TRAPPC12: variants seen among roughly 807,000 people sequenced by gnomAD.
TRAPPC12 encodes trafficking protein particle complex subunit 12.
In TRAPPC12, 61 loss-of-function variants were observed where a neutral mutation model predicts 69.2. The observed-to-expected ratio is 0.88, with a 90% CI of 0.72 to 1.09. The LOEUF is 1.09. Among genes scored for constraint, TRAPPC12 ranks in the 50% least tolerant of loss-of-function variants. TRAPPC12 has a pLI of 0.00. For synonymous variants in TRAPPC12, 469 were observed against 438.9 expected (o/e 1.07, Z -0.86); for missense variants, 1,101 against 1,016.4 (o/e 1.08, Z -1.13).
intron 8 of TRAPPC12, 54 bp from the exon 9 acceptor site, chr2:3,465,543 A>G (rs1193109170): frequency 6.3e-6 from 8 of 1,265,986 alleles, no homozygotes; most frequent in Non-Finnish European, 7.0e-6. Flanking sequence ...TACACGTGTG[A>G]AACCCACAGT....
rs1660575780 is a variant in TRAPPC12, at chr2:3,387,918, G to A, written c.295G>A (p.Asp99Asn). The change falls in exon 2 of 12, where the codon GAC becomes AAC. Residue 99 changes from aspartate to asparagine, a missense_variant. Transcript: ENST00000324266. Reference sequence around the variant, plus strand: ...CGAAGCTGAGCCCGGAGGGGAAGGCGACCCAGGCCCGGAGCCCGCGGGCAC... The same window carrying A: ...CGAAGCTGAGCCCGGAGGGGAAGGCAACCCAGGCCCGGAGCCCGCGGGCAC... ...RDEAEPGGEGDPGPEPAGTPS... is the reference protein window; with the variant it reads ...RDEAEPGGEGNPGPEPAGTPS... 1 of 1,531,058 alleles carries A rather than the reference G, an allele frequency of 6.5e-7. No homozygotes were observed. Among genetic ancestry groups the A allele is most frequent in the East Asian group, 2.5e-5 (1 of 40,018 alleles). 94.8% of individuals were successfully genotyped at this position (1,531,058 alleles called of 1,614,324 possible).
intron 1 of TRAPPC12, among the ~76,000 whole-genome samples, chr2:3,385,857 C>T (rs1660464617): frequency 1.3e-5 from 2 of 152,248 alleles, no homozygotes; most frequent in Non-Finnish European, 2.9e-5. Context: ...TTGTGCCCGG[C>T]CTCTATCCCT....
intron 3 of TRAPPC12, among the ~76,000 whole-genome samples, chr2:3,406,563 C>G (rs997068238): frequency 6.6e-6 from 1 of 152,156 alleles, no homozygotes; most frequent in Non-Finnish European, 1.5e-5. Context: ...TGGAGATACT[C>G]TTTTTTAAAG....
intron 8 of TRAPPC12, among the ~76,000 whole-genome samples, chr2:3,461,666 G>A (rs939999049): frequency 6.6e-6 from 1 of 152,246 alleles, no homozygotes; most frequent in African/African-American, 2.4e-5. Context: ...CCACTCCTGA[G>A]ATAGTCCCAC....
In TRAPPC12 at chr2:3,479,330, G is replaced by A. The variant is rs371580487; in HGVS notation, c.2077G>A (p.Val693Met). Residue 693 changes from valine to methionine, a missense_variant, in exon 12 of 12, where the codon GTG (valine) becomes ATG (methionine). Transcript: ENST00000324266. ...CCCCAGGCACTACCTGCACGAGAGC[G>A]TGCTCTTCAACCTGACCACCATGTA... The part of the protein sequence containing the change: ...QDPRHYLHES[V>M]LFNLTTMYEL... 40 of 1,614,188 alleles carry A rather than the reference G, an allele frequency of 2.5e-5. No individual in the cohort carries two copies. The highest frequency in any genetic ancestry group is 2.3e-4 in the Admixed American group (14 of 60,034).
rs758699998 is a variant in TRAPPC12 at position 3,479,400 on chromosome 2, T to C, written c.2147T>C (p.Leu716Pro). The C allele has an allele frequency of 6.2e-7, 1 of 1,614,158 alleles. No homozygotes were observed. Among genetic ancestry groups the C allele is most frequent in the East Asian group, 2.2e-5 (1 of 44,882 alleles). ...AGCATGCAGAAGAAACAGGCCCTGC[T>C]GGAGGCTGTCGCCGGCAAGGAGGGG... ...SRSMQKKQAL[L>P]EAVAGKEGDS... Residue 716 changes from leucine to proline, a missense_variant, in exon 12 of 12, where the codon CTG becomes CCG. Coordinates refer to ENST00000324266, the MANE Select transcript of TRAPPC12 (RefSeq NM_016030.6).
intron 9 of TRAPPC12, chr2:3,472,701 C>T (rs1666118181): frequency 6.6e-6 from 1 of 152,216 alleles, no homozygotes; most frequent in African/African-American, 2.4e-5. Context: ...ACATTGCTTG[C>T]AAATCCCGTA....
chr2:3,466,871 G>A (rs1056606174), intron 9 of TRAPPC12, among the ~76,000 whole-genome samples: 1 of 152,184 alleles, frequency 6.6e-6, no homozygotes, highest in Non-Finnish European at 1.5e-5. Context: ...AGCTCTGTGT[G>A]GCCAGGATCT....
chr2:3,467,089 G>A (rs773918793), intron 9 of TRAPPC12, among the ~76,000 whole-genome samples: 1 of 152,146 alleles, frequency 6.6e-6, no homozygotes, highest in African/African-American at 2.4e-5. Context: ...TGACCACAGC[G>A]AGGGCTCTGG....
intron 8 of TRAPPC12, among the ~76,000 whole-genome samples, chr2:3,465,190 G>A (rs1345111788): frequency 6.6e-6 from 1 of 152,170 alleles, no homozygotes; most frequent in Non-Finnish European, 1.5e-5. Flanking sequence ...TAAAAATTTG[G>A]CCTATGTATT....
chr2:3,469,346 T>A (rs1665962870), intron 9 of TRAPPC12, among the ~76,000 whole-genome samples: 1 of 152,176 alleles, frequency 6.6e-6, no homozygotes, highest in African/African-American at 2.4e-5. Context: ...AGGGGTAAAT[T>A]TCATAAGAAA....
chr2:3,449,797 G>T (rs1227893707), intron 6 of TRAPPC12, among the ~76,000 whole-genome samples: 1 of 152,172 alleles, frequency 6.6e-6, no homozygotes, highest in Non-Finnish European at 1.5e-5. Context: ...AGAGGGTTTG[G>T]TTGCCCTTCT....
intron 3 of TRAPPC12, among the ~76,000 whole-genome samples, chr2:3,405,589 G>A (rs1661687043): frequency 6.6e-6 from 1 of 152,198 alleles, no homozygotes; most frequent in African/African-American, 2.4e-5. Flanking sequence ...GTTTCTTAGT[G>A]TATTCATTGA....
At chr2:3,397,418 C>G (rs1426186966) in intron 2 of TRAPPC12, among the ~76,000 whole-genome samples, 3 of 152,330 alleles carry the variant, frequency 2.0e-5, no homozygotes, top group Non-Finnish European at 4.4e-5. Context: ...GGACTCTGTC[C>G]ATGGCAGACC....
intron 6 of TRAPPC12, among the ~76,000 whole-genome samples, chr2:3,446,054 A>C (rs1664488022): frequency 6.6e-6 from 1 of 152,200 alleles, no homozygotes; most frequent in Admixed American, 6.5e-5. Flanking sequence ...CATCCTAGGA[A>C]CGTTTCTCTC....
At chr2:3,468,862 G>A (rs912887448) in intron 9 of TRAPPC12, among the ~76,000 whole-genome samples, 2 of 152,180 alleles carry the variant, frequency 1.3e-5, no homozygotes, top group African/African-American at 2.4e-5. Context: ...ATCTCAGCAC[G>A]GGATGGAGGA....
chr2:3,391,365 A>T (rs1024477757), intron 2 of TRAPPC12, among the ~76,000 whole-genome samples: 12 of 152,322 alleles, frequency 7.9e-5, no homozygotes, highest in African/African-American at 2.2e-4. Context: ...TATGACTGTG[A>T]CTATTGCTAT....
In TRAPPC12 at chr2:3,438,235, C is replaced by T. The variant is rs1360318952; in HGVS notation, c.1418-5544C>T. 6.2e-5 allele frequency among the ~76,000 whole-genome samples: 7 copies of T among 112,456 alleles called. No individual in the cohort carries two copies. The East Asian group carries it at 2.0e-3, about 33-fold the overall frequency. 73.8% of individuals were successfully genotyped at this position (112,456 alleles called of 152,430 possible). A position where few individuals can be genotyped will look rare whatever the true frequency, so the allele number is the denominator to read the frequency against. ...ATCCCCCACCACCCCTGGATTCATC[C>T]CCCCATCAGCCCTGGATTAGTACTT... On this transcript the variant is annotated intron_variant, in intron 5 of 11. Transcript: ENST00000324266.
intron 5 of TRAPPC12, among the ~76,000 whole-genome samples, chr2:3,431,249 C>T (rs1663420659): frequency 6.6e-6 from 1 of 152,198 alleles, no homozygotes; most frequent in African/African-American, 2.4e-5. Flanking sequence ...GGATCTCATC[C>T]CACAGAGTCT....
Sources: gnomAD v4.1 joint callset for allele counts (sites outside exome capture counted in the v4.1 genomes callset) on GRCh38, gnomAD v4.1.1 for gene constraint, MANE v1.5 for transcripts, NCBI Gene and HGNC (gene_info 2026-07-23, HGNC 2026-07-21) for gene names.